Variants in TNS1 observed in about 807,000 individuals in gnomAD.
TNS1 encodes tensin 1, also known as tensin-1.
TNS1 carries 62 observed loss-of-function variants against 168.6 expected under a neutral mutation model. The observed-to-expected ratio is 0.37, with a 90% CI of 0.30 to 0.45. The LOEUF (loss-of-function observed/expected upper bound fraction) is 0.45, where lower values mean the gene tolerates loss of function less well. Ranked by LOEUF, TNS1 falls within the 20% of genes least tolerant of loss-of-function variation. The pLI, the probability that TNS1 is intolerant of heterozygous loss-of-function variation, is 1.00. For missense variants in TNS1, 2,240 were observed against 2,339.4 expected (o/e 0.96, Z 0.88); for synonymous variants, 934 against 933.2 (o/e 1.00, Z -0.02).
At chr2:218,026,532 T>A (rs1453761182) in intron 1 of TNS1, among the ~76,000 whole-genome samples, 2 of 151,852 alleles carry the variant, frequency 1.3e-5, no homozygotes, top group African/African-American at 4.8e-5. Flanking sequence ...CTCCTCTACC[T>A]CCCCAGGGCA....
chr2:217,915,308 G>A (rs78402396), intron 4 of TNS1, among the ~76,000 whole-genome samples: 9 of 152,282 alleles, frequency 5.9e-5, no homozygotes, highest in South Asian at 2.1e-4. Context: ...CTGACACTGC[G>A]AGACCTTCAG....
chr2:218,025,532 G>A (rs1958843373), intron 1 of TNS1, among the ~76,000 whole-genome samples: 1 of 152,072 alleles, frequency 6.6e-6, no homozygotes, highest in South Asian at 2.1e-4. Flanking sequence ...TTACAGGTAT[G>A]AGCCTGTAAT....
intron 3 of TNS1, among the ~76,000 whole-genome samples, chr2:217,937,805 A>C (rs1956700811): frequency 6.6e-6 from 1 of 152,028 alleles, no homozygotes; most frequent in Admixed American, 6.5e-5. Flanking sequence ...AGCCAGGCCT[A>C]GACTCAGATC....
intron 1 of TNS1, among the ~76,000 whole-genome samples, chr2:218,002,180 A>AT: frequency 6.6e-6 from 1 of 152,054 alleles, no homozygotes; most frequent in Non-Finnish European, 1.5e-5. Flanking sequence ...CCCCCCTGGC[A>AT]TCCCCATCCT....
chr2:217,838,141 C>T (rs1232484493), intron 19 of TNS1, among the ~76,000 whole-genome samples: 7 of 152,246 alleles, frequency 4.6e-5, no homozygotes, highest in South Asian at 2.1e-4. Context: ...GTCTCAGTTC[C>T]GGGCTCCTCT....
rs570657747 is a variant in TNS1 at position 217,857,695 on chromosome 2, T to C, written c.1430-8608A>G. Among the ~76,000 whole-genome samples, 8 of 152,280 alleles carry C rather than the reference T, an allele frequency of 5.3e-5. No individual in the cohort carries two copies. The South Asian group carries it at 1.7e-3, about 32-fold the overall frequency. The stretch of plus-strand genomic sequence containing the variant: ...GACCAGGGGCCTGGAGGGCAAGTGA[T>C]CTGCCCTGCCCTGGATGGCCCACGC... On this transcript the variant is annotated intron_variant, in intron 18 of 32. Transcript: ENST00000682258.
At chr2:217,809,208 GATGGATGC>G (rs1310867119) in intron 30 of TNS1, among the ~76,000 whole-genome samples, 3 of 79,724 alleles carry the variant, frequency 3.8e-5, no homozygotes, top group Admixed American at 1.2e-4. Flanking sequence ...TGGATGGATG[GATGGATGC>G]ATGGATGGAT....
rs367898750 is a variant in TNS1, at chr2:217,957,925, C to T, written c.186+20840G>A. On this transcript the variant is annotated intron_variant, in intron 3 of 32. Coordinates refer to ENST00000682258, the MANE Select transcript of TNS1 (RefSeq NM_001387777.1). Reference sequence around the variant, plus strand: ...GCAAAAAATGGATGGTTGTTGAAGCCGGGGGTAGGTACAAAGGAGTTCATT... The same window carrying T: ...GCAAAAAATGGATGGTTGTTGAAGCTGGGGGTAGGTACAAAGGAGTTCATT... Among the ~76,000 whole-genome samples the T allele has an allele frequency of 2.6e-4, 39 of 149,130 alleles. No individual in the cohort carries two copies. The East Asian group carries it at 3.4e-3, about 13-fold the overall frequency.
chr2:217,938,696 C>T (rs563726739), intron 3 of TNS1, among the ~76,000 whole-genome samples: 1 of 152,338 alleles, frequency 6.6e-6, no homozygotes, highest in African/African-American at 2.4e-5. Flanking sequence ...TTCTGTGACT[C>T]TCATCAAGGC....
intron 21 of TNS1, among the ~76,000 whole-genome samples, chr2:217,834,742 C>T (rs1367250882): frequency 6.6e-6 from 1 of 152,172 alleles, no homozygotes; most frequent in Non-Finnish European, 1.5e-5. Context: ...AAAGTCAAGT[C>T]ACAAAGAGTC....
At position 217,880,558 on chromosome 2, in the gene TNS1, G is replaced by T. The variant is rs368877437; in HGVS notation, c.1429+340C>A. Among the ~76,000 whole-genome samples the T allele has an allele frequency of 1.6e-4, 24 of 152,210 alleles. No homozygotes were observed. The South Asian group carries it at 5.0e-3, about 32-fold the overall frequency. On this transcript the variant is annotated intron_variant, in intron 18 of 32. Transcript: ENST00000682258. The surrounding 1 kb of genome is among the most constrained non-coding windows in gnomAD (Gnocchi z 4.2). Reference sequence around the variant, plus strand: ...TCCACTCAAGGCCACATCCTCCAAGGAGCCTTCCCAGATCACTCCAGCTCT... The same window carrying T: ...TCCACTCAAGGCCACATCCTCCAAGTAGCCTTCCCAGATCACTCCAGCTCT...
chr2:217,973,766 C>T (rs1385917951), intron 3 of TNS1, among the ~76,000 whole-genome samples: 1 of 152,154 alleles, frequency 6.6e-6, no homozygotes, highest in African/African-American at 2.4e-5. Context: ...GCCCACCTCA[C>T]AGAACTGCAA....
At chr2:217,960,286 ATTGAGGCTGGGGGTGG>A (rs1387052148) in intron 3 of TNS1, among the ~76,000 whole-genome samples, 1 of 152,166 alleles carries the variant, frequency 6.6e-6, no homozygotes, top group Non-Finnish European at 1.5e-5. Context: ...ATTTGAGGAA[ATTGAGGCTGGGGGTGG>A]TCAAGTGTGC....
intron 1 of TNS1, among the ~76,000 whole-genome samples, chr2:217,994,372 C>G (rs186989747): frequency 6.6e-6 from 1 of 151,988 alleles, no homozygotes; most frequent in African/African-American, 2.4e-5. Flanking sequence ...AGAGAGAGGA[C>G]CTGGGGTTCA....
intron 18 of TNS1, among the ~76,000 whole-genome samples, chr2:217,863,563 C>A (rs1053698689): frequency 6.6e-6 from 1 of 152,094 alleles, no homozygotes; most frequent in Non-Finnish European, 1.5e-5. Context: ...GTGTAATAGA[C>A]CGATCTCCGA....
chr2:217,975,668 C>T (rs1957876627), intron 3 of TNS1, among the ~76,000 whole-genome samples: 2 of 152,310 alleles, frequency 1.3e-5, no homozygotes, highest in African/African-American at 2.4e-5. Context: ...GTAAGTGAAA[C>T]CATGTGCACC....
intron 1 of TNS1, among the ~76,000 whole-genome samples, chr2:218,023,676 TATC>T (rs1233928177): frequency 6.6e-6 from 1 of 152,202 alleles, no homozygotes; most frequent in Non-Finnish European, 1.5e-5. Flanking sequence ...AGGTAGGTGT[TATC>T]ATTCCCATTT....
chr2:217,963,614 C>T (rs1052920154), intron 3 of TNS1, among the ~76,000 whole-genome samples: 4 of 152,102 alleles, frequency 2.6e-5, no homozygotes, highest in Admixed American at 2.6e-4. Context: ...AAGAATAATT[C>T]CAGTGTTTCT....
intron 19 of TNS1, among the ~76,000 whole-genome samples, chr2:217,844,889 C>G (rs918975417): frequency 6.6e-6 from 1 of 152,218 alleles, no homozygotes; most frequent in Admixed American, 6.5e-5. Context: ...AACTCTGACT[C>G]TTATTTCTTT....
Sources: gnomAD v4.1 joint callset for allele counts (sites outside exome capture counted in the v4.1 genomes callset) on GRCh38, gnomAD v4.1.1 for gene constraint, Gnocchi (gnomAD v3.1) non-coding constraint, MANE v1.5 for transcripts, NCBI Gene and HGNC (gene_info 2026-07-23, HGNC 2026-07-21) for gene names.